Variants in HDAC9 observed in about 807,000 individuals in gnomAD.
HDAC9 encodes histone deacetylase 9, also known as MEF-2 interacting transcription repressor (MITR) protein.
A neutral mutation model predicts 139.4 loss-of-function variants in HDAC9; 41 were observed. The observed-to-expected ratio is 0.29, with a 90% confidence interval of 0.23 to 0.38. HDAC9 has a LOEUF of 0.38. Ranked by LOEUF, HDAC9 falls within the 10% of genes least tolerant of loss-of-function variation. HDAC9 has a pLI of 1.00. For missense variants in HDAC9, 1,147 were observed against 1,297.0 expected, an observed-to-expected ratio of 0.88 and a Z score of 1.78; for synonymous variants, 517 against 476.2, an observed-to-expected ratio of 1.09 and a Z score of -1.12.
chr7:18,864,437 G>A (rs1330486351), intron 21 of HDAC9, among the ~76,000 whole-genome samples: 1 of 152,108 alleles, frequency 6.6e-6, no homozygotes, highest in African/African-American at 2.4e-5. Context: ...TGAAGTTCTA[G>A]AGATCTGACC....
At chr7:18,848,734 C>A (rs886238589) in intron 21 of HDAC9, among the ~76,000 whole-genome samples, 4 of 151,890 alleles carry the variant, frequency 2.6e-5, no homozygotes, top group African/African-American at 9.7e-5. Flanking sequence ...ATATGAGAAA[C>A]CAAGCAACCC....
intron 6 of HDAC9, among the ~76,000 whole-genome samples, chr7:18,594,609 GC>G (rs1371375146): frequency 1.3e-5 from 2 of 151,924 alleles, no homozygotes; most frequent in African/African-American, 4.8e-5. Context: ...GCGCAATTAA[GC>G]TTTTATTTAG....
intron 2 of HDAC9, among the ~76,000 whole-genome samples, chr7:18,198,572 T>A (rs1790886320): frequency 6.6e-6 from 1 of 152,192 alleles, no homozygotes. Flanking sequence ...ATTTTTAATT[T>A]ATGCAAGAAT....
chr7:18,610,300 G>C lies in HDAC9; in HGVS notation c.664+16271G>C, dbSNP rs1444366355. Among the ~76,000 whole-genome samples, 4 of 152,270 alleles carry C rather than the reference G, an allele frequency of 2.6e-5. No individual in the cohort carries two copies. In the South Asian group the frequency reaches 6.2e-4, roughly 24 times the overall value. ...CCTAGTGTCCAGCTGCTTAGATGAT[G>C]TTATCAATTCAGTGTATTTAAACTT... On this transcript the variant is annotated intron_variant, in intron 6 of 25. Coordinates refer to ENST00000686413, the MANE Select transcript of HDAC9 (RefSeq NM_178425.4).
At chr7:18,237,812 G>A (rs1793925621) in intron 2 of HDAC9, among the ~76,000 whole-genome samples, 1 of 152,176 alleles carries the variant, frequency 6.6e-6, no homozygotes. Flanking sequence ...CCAGGAGAAA[G>A]GTGTGGGCTG....
chr7:18,928,649 G>T (rs143455326), intron 22 of HDAC9, among the ~76,000 whole-genome samples: 68 of 152,116 alleles, frequency 4.5e-4, no homozygotes, highest in African/African-American at 1.5e-3. Flanking sequence ...TAGAGAACAT[G>T]AAAAATGTAT....
intron 6 of HDAC9, among the ~76,000 whole-genome samples, chr7:18,601,981 T>A (rs955124636): frequency 2.0e-5 from 3 of 152,190 alleles, no homozygotes; most frequent in Admixed American, 1.3e-4. Context: ...GCTGTCCTCA[T>A]AGAAAGAGTT....
rs1825683846 is a variant in HDAC9 at position 18,575,398 on chromosome 7, T to A, written c.23-9883T>A. 5.9e-5 allele frequency among the ~76,000 whole-genome samples: 9 copies of A among 152,248 alleles called. No homozygotes were observed. The South Asian group carries it at 8.3e-4, about 14-fold the overall frequency. ...TTACCAGTTCTGGTGTAATTTTCAG[T>A]AATATAACATGGAGTATTCAATCAT... is the stretch of plus-strand genomic sequence containing the variant. On this transcript the variant is annotated intron_variant, in intron 2 of 25. Transcript: ENST00000686413.
intron 11 of HDAC9, among the ~76,000 whole-genome samples, chr7:18,663,364 G>A (rs190195086): frequency 3.6e-4 from 55 of 152,084 alleles, no homozygotes; most frequent in African/African-American, 1.2e-3. Context: ...TTTACTTGGT[G>A]GGTGATATTT....
rs1795864136 is a variant in HDAC9 at position 18,831,646 on chromosome 7, AGG to A, written c.2466+2100_2466+2101del. On this transcript the variant is annotated intron_variant, in intron 19 of 25. Transcript: ENST00000686413. Reference sequence around the variant, plus strand: ...CAAGTCTTCCAAATTCTGCAGCTGCAGGGCTACTTTGAGGAAATTCCTGTTTC... The same window carrying A: ...CAAGTCTTCCAAATTCTGCAGCTGCAGCTACTTTGAGGAAATTCCTGTTTC... Among the ~76,000 whole-genome samples, 5 of 152,324 alleles carry A rather than the reference AGG, an allele frequency of 3.3e-5. No individual in the cohort carries two copies. The South Asian group carries it at 1.0e-3, about 32-fold the overall frequency.
At chr7:18,732,839 ACACACACG>A (rs1786336938) in intron 13 of HDAC9, among the ~76,000 whole-genome samples, 4 of 87,410 alleles carry the variant, frequency 4.6e-5, no homozygotes, top group Non-Finnish European at 6.5e-5. Context: ...GCGTATGTGT[ACACACACG>A]TGTGTATGTG....
At chr7:18,104,602 A>T (rs143115973) in intron 1 of HDAC9, among the ~76,000 whole-genome samples, 1 of 152,192 alleles carries the variant, frequency 6.6e-6, no homozygotes, top group East Asian at 1.9e-4. Context: ...GACTCCCTAT[A>T]CCATTTCACA....
At chr7:18,510,155 G>A (rs1245611536) in intron 2 of HDAC9, among the ~76,000 whole-genome samples, 1 of 152,150 alleles carries the variant, frequency 6.6e-6, no homozygotes, top group African/African-American at 2.4e-5. Context: ...ATTATAGAAT[G>A]TAAGCAGGAA....
chr7:18,921,870 C>A (rs970791556), intron 22 of HDAC9, among the ~76,000 whole-genome samples: 3 of 152,104 alleles, frequency 2.0e-5, no homozygotes, highest in Admixed American at 6.5e-5. Context: ...AAATGTGGCA[C>A]ATATGCACTA....
rs1310194930 is a variant in HDAC9 at position 18,874,924 on chromosome 7, A to G, written c.2803+328A>G. On this transcript the variant is annotated intron_variant, in intron 22 of 25. Coordinates refer to ENST00000686413, the MANE Select transcript of HDAC9 (RefSeq NM_178425.4). ...GCATGACTTGAGAGGTCATGAGTCT[A>G]GAAAAGCTACTGTGCTTTTCCAGGG... Among the ~76,000 whole-genome samples the G allele has an allele frequency of 3.9e-5, 6 of 152,200 alleles. No homozygotes were observed. In the East Asian group the frequency reaches 7.7e-4, roughly 20 times the overall value.
At chr7:18,847,265 A>G (rs1027292976) in intron 21 of HDAC9, among the ~76,000 whole-genome samples, 1 of 152,194 alleles carries the variant, frequency 6.6e-6, no homozygotes, top group East Asian at 1.9e-4. Flanking sequence ...ACGCACATAC[A>G]TTCCTTACAA....
chr7:18,332,360 CATGTGT>C lies in HDAC9; in HGVS notation c.-42+41846_-42+41851del, dbSNP rs748606591. On this transcript the variant is annotated intron_variant, in intron 1 of 3. Transcript: ENST00000413509. Reference sequence around the variant, plus strand: ...TGTGAATTGTGGCTGTGCATGCGCACATGTGTGTGTGTGTGTGTGTGTGTGTGTGTG... The same window carrying C: ...TGTGAATTGTGGCTGTGCATGCGCACGTGTGTGTGTGTGTGTGTGTGTGTG... Among the ~76,000 whole-genome samples the C allele has an allele frequency of 1.8e-4, 21 of 114,156 alleles. No individual in the cohort carries two copies. In the East Asian group the frequency reaches 3.7e-3, roughly 20 times the overall value. 74.9% of individuals were successfully genotyped at this position (114,156 alleles called of 152,430 possible).
At chr7:18,933,500 C>T (rs1781409290) in intron 22 of HDAC9, among the ~76,000 whole-genome samples, 1 of 152,040 alleles carries the variant, frequency 6.6e-6, no homozygotes, top group East Asian at 1.9e-4. Flanking sequence ...AAAAACATCA[C>T]ATTGGAGGTT....
At chr7:18,304,355 C>T (rs1798773605) in intron 1 of HDAC9, among the ~76,000 whole-genome samples, 1 of 152,148 alleles carries the variant, frequency 6.6e-6, no homozygotes, top group Non-Finnish European at 1.5e-5. Context: ...TTTTAAAAAG[C>T]TCAGACTACC....
Sources: gnomAD v4.1 joint callset for allele counts (sites outside exome capture counted in the v4.1 genomes callset) on GRCh38, gnomAD v4.1.1 for gene constraint, MANE v1.5 for transcripts, NCBI Gene and HGNC (gene_info 2026-07-23, HGNC 2026-07-21) for gene names.